The following RYR2 variants were observed in gnomAD, a reference collection of about 807,000 sequenced individuals.
RYR2 encodes the protein cardiac muscle ryanodine receptor-calcium release channel.
RYR2 carries 227 observed loss-of-function variants against 601.1 expected under a neutral mutation model. That is an observed-to-expected ratio of 0.38 (90% CI 0.34 to 0.42). The LOEUF (loss-of-function observed/expected upper bound fraction) is 0.42. RYR2 is among the 10% of genes least tolerant of loss of function. The pLI is 1.00. For missense variants in RYR2, 4,646 were observed against 6,156.5 expected, an observed-to-expected ratio of 0.75 and a Z score of 8.21; for synonymous variants, 2,223 against 2,175.1, an observed-to-expected ratio of 1.02 and a Z score of -0.61.
chr1:237,740,616 T>G (rs1199984824), intron 79 of RYR2, among the ~76,000 whole-genome samples: 2 of 152,214 alleles, frequency 1.3e-5, no homozygotes, highest in Non-Finnish European at 1.5e-5. Context: ...TCAATCCTTG[T>G]GTCTCTCCTA....
At chr1:237,318,420 T>C (rs1306135642) in intron 2 of RYR2, among the ~76,000 whole-genome samples, 2 of 152,162 alleles carry the variant, frequency 1.3e-5, no homozygotes, top group African/African-American at 2.4e-5. Flanking sequence ...TTTATGTTAA[T>C]CCACACATTT....
intron 86 of RYR2, among the ~76,000 whole-genome samples, chr1:237,773,191 T>C (rs1364765085): frequency 1.3e-5 from 2 of 152,192 alleles, no homozygotes; most frequent in Non-Finnish European, 2.9e-5. Flanking sequence ...GCTCACATAG[T>C]AAACATCTAA....
intron 3 of RYR2, among the ~76,000 whole-genome samples, chr1:237,332,141 T>A (rs1256532340): frequency 6.6e-6 from 1 of 152,142 alleles, no homozygotes; most frequent in Non-Finnish European, 1.5e-5. Flanking sequence ...TCTGGATAAA[T>A]AAAGAGATTA....
chr1:237,691,597 G>A (rs1362736146), intron 63 of RYR2, among the ~76,000 whole-genome samples: 1 of 152,062 alleles, frequency 6.6e-6, no homozygotes, highest in Admixed American at 6.5e-5. Context: ...AGATAATAGT[G>A]TTTTTATGCC....
At chr1:237,404,760 G>C (rs960848681) in intron 10 of RYR2, among the ~76,000 whole-genome samples, 2 of 152,208 alleles carry the variant, frequency 1.3e-5, no homozygotes, top group African/African-American at 4.8e-5. Context: ...TTCTCCCAGG[G>C]TAGTCCTGAA....
chr1:237,204,352 C>G (rs558410308), intron 1 of RYR2, among the ~76,000 whole-genome samples: 1 of 152,130 alleles, frequency 6.6e-6, no homozygotes, highest in Non-Finnish European at 1.5e-5. Context: ...CTTTTGATTC[C>G]CATATCCTCT....
intron 100 of RYR2, among the ~76,000 whole-genome samples, chr1:237,811,481 A>G (rs919803996): frequency 4.6e-5 from 7 of 152,190 alleles, no homozygotes; most frequent in Non-Finnish European, 7.4e-5. Context: ...CAAGATTGTC[A>G]TTCTTTAGCT....
chr1:237,216,200 G>T (rs1286050250), intron 1 of RYR2, among the ~76,000 whole-genome samples: 1 of 151,950 alleles, frequency 6.6e-6, no homozygotes, highest in Non-Finnish European at 1.5e-5. Flanking sequence ...GAATTTTCAG[G>T]TTCATAGATG....
rs1553342988 is a variant in RYR2 at position 237,832,226 on chromosome 1, T to TTA, written c.14809-326_14809-325insTA. ...GCTTTTTTTTGTGTTTTTTTTTTTT[T>TTA]AATTTTAGTACAGACAAGATCTCTT... On this transcript the variant is annotated intron_variant, in intron 104 of 104. Coordinates refer to ENST00000366574, the MANE Select transcript of RYR2 (RefSeq NM_001035.3). Among the ~76,000 whole-genome samples, 128 of 149,904 alleles carry TTA rather than the reference T, an allele frequency of 8.5e-4. 2 individuals carry two copies. In the South Asian group the frequency reaches 0.022, roughly 26 times the overall value.
At chr1:237,289,382 C>T (rs1156739424) in intron 2 of RYR2, among the ~76,000 whole-genome samples, 2 of 152,176 alleles carry the variant, frequency 1.3e-5, no homozygotes, top group South Asian at 2.1e-4. Flanking sequence ...AGACCTGAGA[C>T]TGGATAATTT....
intron 6 of RYR2, among the ~76,000 whole-genome samples, chr1:237,373,139 G>A (rs1478815729): frequency 6.6e-6 from 1 of 152,200 alleles, no homozygotes; most frequent in Admixed American, 6.5e-5. Flanking sequence ...AAAGGCAGAT[G>A]TTAAGCACAA....
At chr1:237,344,204 A>G (rs969721601) in intron 3 of RYR2, among the ~76,000 whole-genome samples, 1 of 152,198 alleles carries the variant, frequency 6.6e-6, no homozygotes, top group African/African-American at 2.4e-5. Flanking sequence ...GAATCCAGCT[A>G]ATGATCGGAT....
chr1:237,668,758 T>TG (rs1684549161), intron 58 of RYR2, among the ~76,000 whole-genome samples: 1 of 152,226 alleles, frequency 6.6e-6, no homozygotes, highest in South Asian at 2.1e-4. Flanking sequence ...GGATATTTCA[T>TG]GGTGAAAGGT....
At chr1:237,754,991 C>T (rs1692825845) in intron 80 of RYR2, 5 of 919,046 alleles carry the variant, frequency 5.4e-6, no homozygotes, top group African/African-American at 3.5e-5. Flanking sequence ...TTTAAGAAAA[C>T]ATAAAATTAA....
At chr1:237,697,538 T>A (rs1368185961) in intron 63 of RYR2, among the ~76,000 whole-genome samples, 1 of 146,598 alleles carries the variant, frequency 6.8e-6, no homozygotes, top group Non-Finnish European at 1.5e-5. Flanking sequence ...TAACAAATAT[T>A]TTTTATATAT....
At chr1:237,731,109 A>G (rs1305649330) in intron 77 of RYR2, among the ~76,000 whole-genome samples, 1 of 152,134 alleles carries the variant, frequency 6.6e-6, no homozygotes, top group Non-Finnish European at 1.5e-5. Context: ...TTGTCCCCAT[A>G]TTTTAAAATG....
At chr1:237,287,785 A>G (rs1691724760) in intron 2 of RYR2, among the ~76,000 whole-genome samples, 1 of 152,286 alleles carries the variant, frequency 6.6e-6, no homozygotes, top group Admixed American at 6.5e-5. Context: ...TAGCTTAATA[A>G]CTAACCTCCT....
At chr1:237,470,548 T>A (rs1195722479) in intron 17 of RYR2, among the ~76,000 whole-genome samples, 1 of 152,122 alleles carries the variant, frequency 6.6e-6, no homozygotes, top group Non-Finnish European at 1.5e-5. Context: ...AAATGGAGAT[T>A]GTTGTAATAA....
At chr1:237,551,305 G>A (rs183811360) in intron 27 of RYR2, among the ~76,000 whole-genome samples, 4 of 151,986 alleles carry the variant, frequency 2.6e-5, no homozygotes, top group Admixed American at 6.6e-5. Flanking sequence ...TGAGGCAGGC[G>A]GATCACAAGG....
Sources: gnomAD v4.1 joint callset for allele counts (sites outside exome capture counted in the v4.1 genomes callset) on GRCh38, gnomAD v4.1.1 for gene constraint, MANE v1.5 for transcripts, NCBI Gene and HGNC (gene_info 2026-07-23, HGNC 2026-07-21) for gene names.